NTM: variants seen among roughly 807,000 people sequenced by gnomAD.
NTM encodes the protein IgLON family member 2.
A neutral mutation model predicts 42.1 loss-of-function variants in NTM; 13 were observed. The ratio of observed to expected loss-of-function variants is 0.31; its 90% CI spans 0.20 to 0.49. The LOEUF (loss-of-function observed/expected upper bound fraction) is 0.49, where lower values mean the gene tolerates loss of function less well. Among genes scored for constraint, NTM ranks in the 20% least tolerant of loss-of-function variants. NTM has a pLI of 0.99. For missense variants in NTM, 373 were observed against 452.8 expected (o/e 0.82, Z 1.60); for synonymous variants, 187 against 179.2 (o/e 1.04, Z -0.35).
intron 2 of NTM, among the ~76,000 whole-genome samples, chr11:132,041,913 T>C (rs1436075760): frequency 1.3e-5 from 2 of 152,234 alleles, no homozygotes; most frequent in South Asian, 2.1e-4. Context: ...AAGTGTCATG[T>C]ATTAGTATAT....
intron 1 of NTM, among the ~76,000 whole-genome samples, chr11:131,638,802 G>T (rs2064764746): frequency 6.6e-6 from 1 of 151,184 alleles, no homozygotes; most frequent in South Asian, 2.1e-4. Context: ...AGGTATTTTT[G>T]GTTTGTTTTG....
At chr11:132,063,412 G>T (rs2080982017) in intron 2 of NTM, among the ~76,000 whole-genome samples, 1 of 152,280 alleles carries the variant, frequency 6.6e-6, no homozygotes, top group South Asian at 2.1e-4. Context: ...GCTGGAAATG[G>T]GAAGGCCCTG....
chr11:131,498,166 G>A (rs541648308), intron 1 of NTM, among the ~76,000 whole-genome samples: 1 of 152,298 alleles, frequency 6.6e-6, no homozygotes, highest in South Asian at 2.1e-4. Flanking sequence ...GCGGCACCAA[G>A]CATTTGCTTC....
chr11:132,114,014 T>A (rs531853807), intron 2 of NTM, among the ~76,000 whole-genome samples: 2 of 152,320 alleles, frequency 1.3e-5, no homozygotes, highest in South Asian at 4.1e-4. Flanking sequence ...TGTGGAAGGA[T>A]GTTTTTTCAT....
intron 3 of NTM, among the ~76,000 whole-genome samples, chr11:132,205,543 A>G (rs1375661833): frequency 6.6e-6 from 1 of 152,186 alleles, no homozygotes; most frequent in Non-Finnish European, 1.5e-5. Flanking sequence ...TCCAAACAGC[A>G]TGGCTCCCTT....
chr11:131,670,292 A>C (rs2069900798), intron 1 of NTM, among the ~76,000 whole-genome samples: 1 of 152,060 alleles, frequency 6.6e-6, no homozygotes, highest in African/African-American at 2.4e-5. Context: ...AAGAAGGAAA[A>C]ATAGAAAAAA....
Position 131,603,196 on chromosome 11 carries a change from G to A in NTM, c.82+232308G>A, listed in dbSNP as rs150357419. On this transcript the variant is annotated intron_variant, in intron 1 of 8. Coordinates refer to ENST00000683400, the MANE Select transcript of NTM (RefSeq NM_001352005.2). The stretch of plus-strand genomic sequence containing the variant: ...GCTTGCCTCTCCCCACTAACTCGGT[G>A]CCATTTATCATTTTATTCATGCTAA... 5.9e-5 allele frequency among the ~76,000 whole-genome samples: 9 copies of A among 152,152 alleles called. No individual in the cohort carries two copies. In the East Asian group the frequency reaches 1.7e-3, roughly 29 times the overall value.
chr11:131,524,621 A>G (rs1344235779), intron 1 of NTM, among the ~76,000 whole-genome samples: 1 of 152,250 alleles, frequency 6.6e-6, no homozygotes, highest in Admixed American at 6.5e-5. Context: ...TCTCCTCTGT[A>G]AAGTGTGGTT....
At chr11:131,940,819 A>G (rs899699835) in intron 2 of NTM, among the ~76,000 whole-genome samples, 1 of 152,238 alleles carries the variant, frequency 6.6e-6, no homozygotes, top group African/African-American at 2.4e-5. Context: ...TAACATTACT[A>G]CAAGCCTGAA....
intron 1 of NTM, among the ~76,000 whole-genome samples, chr11:131,840,111 G>C: frequency 6.6e-6 from 1 of 152,146 alleles, no homozygotes; most frequent in Non-Finnish European, 1.5e-5. Context: ...GTTGAGAGTA[G>C]GCGATTGCAT....
chr11:131,634,610 T>C (rs1439551399), intron 1 of NTM, among the ~76,000 whole-genome samples: 1 of 149,582 alleles, frequency 6.7e-6, no homozygotes. Context: ...GAAGTAACTT[T>C]AGGATGATTT....
chr11:131,373,334 G>T (rs1941477077), intron 1 of NTM, among the ~76,000 whole-genome samples: 1 of 152,118 alleles, frequency 6.6e-6, no homozygotes, highest in Non-Finnish European at 1.5e-5. Context: ...CTCTGTTTTT[G>T]TTTTAAGCTG....
At chr11:132,087,377 T>C (rs2059854600) in intron 2 of NTM, among the ~76,000 whole-genome samples, 1 of 152,210 alleles carries the variant, frequency 6.6e-6, no homozygotes, top group Non-Finnish European at 1.5e-5. Context: ...TCAGCAAGAA[T>C]TAGTCATGCT....
At chr11:131,406,194 C>G (rs1945799153) in intron 1 of NTM, among the ~76,000 whole-genome samples, 1 of 152,034 alleles carries the variant, frequency 6.6e-6, no homozygotes, top group South Asian at 2.1e-4. Flanking sequence ...GATAATTGCT[C>G]AATAATGTCA....
chr11:131,990,204 T>G (rs896664653), intron 2 of NTM, among the ~76,000 whole-genome samples: 2 of 152,144 alleles, frequency 1.3e-5, no homozygotes, highest in Non-Finnish European at 2.9e-5. Flanking sequence ...AATGGAAAAT[T>G]CTAGATTTGA....
At chr11:131,753,314 A>G (rs577218992) in intron 1 of NTM, among the ~76,000 whole-genome samples, 63 of 152,046 alleles carry the variant, frequency 4.1e-4, no homozygotes, top group African/African-American at 1.5e-3. Flanking sequence ...TAGTTCAACC[A>G]TTGTGGAAGT....
chr11:131,443,953 C>A (rs1002044220), intron 1 of NTM, among the ~76,000 whole-genome samples: 1 of 152,104 alleles, frequency 6.6e-6, no homozygotes, highest in East Asian at 1.9e-4. Flanking sequence ...TTTGCTGCAA[C>A]CTCATAAGAG....
intron 3 of NTM, among the ~76,000 whole-genome samples, chr11:132,208,210 T>C (rs2082277072): frequency 6.6e-6 from 1 of 152,248 alleles, no homozygotes; most frequent in African/African-American, 2.4e-5. Context: ...ATGGCTTAGC[T>C]AAAACCACAG....
intron 1 of NTM, among the ~76,000 whole-genome samples, chr11:131,883,268 A>G (rs950845417): frequency 3.9e-5 from 6 of 152,378 alleles, no homozygotes; most frequent in Admixed American, 3.3e-4. Context: ...TTTCATATTC[A>G]AAGGTCACGC....
Sources: gnomAD v4.1 joint callset for allele counts (sites outside exome capture counted in the v4.1 genomes callset) on GRCh38, gnomAD v4.1.1 for gene constraint, MANE v1.5 for transcripts, NCBI Gene and HGNC (gene_info 2026-07-23, HGNC 2026-07-21) for gene names.